Variants in PHACTR3 observed in about 807,000 individuals in gnomAD.
The protein encoded by PHACTR3 is phosphatase and actin regulator 3, also known as protein phosphatase 1, regulatory subunit 123.
Under a neutral mutation model 66.8 loss-of-function variants are expected in PHACTR3, and 16 were observed. The ratio of observed to expected loss-of-function variants is 0.24; its 90% CI spans 0.16 to 0.36. The LOEUF (loss-of-function observed/expected upper bound fraction) is 0.36. Ranked by LOEUF, PHACTR3 falls within the 10% of genes least tolerant of loss-of-function variation. PHACTR3 has a pLI of 1.00. For missense variants in PHACTR3, 647 were observed against 719.9 expected, an observed-to-expected ratio of 0.90 and a Z score of 1.16; for synonymous variants, 323 against 292.1, an observed-to-expected ratio of 1.11 and a Z score of -1.08.
chr20:59,587,484 A>C (rs2033067177), intron 1 of PHACTR3, among the ~76,000 whole-genome samples: 2 of 152,152 alleles, frequency 1.3e-5, no homozygotes, highest in African/African-American at 4.8e-5. Context: ...CACAGGAGAG[A>C]TGTCTATTGC....
chr20:59,766,909 C>T (rs2040198666), intron 4 of PHACTR3, among the ~76,000 whole-genome samples: 1 of 152,162 alleles, frequency 6.6e-6, no homozygotes, highest in South Asian at 2.1e-4. Context: ...AACACTGCTC[C>T]TAGGTGAGGT....
At chr20:59,634,031 C>T (rs1368821384) in intron 1 of PHACTR3, among the ~76,000 whole-genome samples, 3 of 152,186 alleles carry the variant, frequency 2.0e-5, no homozygotes, top group Non-Finnish European at 4.4e-5. Flanking sequence ...TTCCTCTGCT[C>T]AGTTTAAATA....
intron 1 of PHACTR3, among the ~76,000 whole-genome samples, chr20:59,582,225 C>T (rs553104616): frequency 6.6e-6 from 1 of 152,312 alleles, no homozygotes; most frequent in Admixed American, 6.5e-5. Context: ...AATGGCATCA[C>T]ACAGCACTTC....
At chr20:59,704,760 AT>A (rs11411434) in intron 1 of PHACTR3, among the ~76,000 whole-genome samples, 7 of 151,066 alleles carry the variant, frequency 4.6e-5, no homozygotes, top group African/African-American at 7.3e-5. Context: ...CCTTTATTAT[AT>A]TTTTTTCAAT....
chr20:59,805,371 C>T (rs912410992), intron 7 of PHACTR3, among the ~76,000 whole-genome samples: 6 of 152,134 alleles, frequency 3.9e-5, no homozygotes, highest in South Asian at 2.1e-4. Flanking sequence ...AGGACATGGG[C>T]GGGTGGGGGA....
intron 1 of PHACTR3, among the ~76,000 whole-genome samples, chr20:59,597,891 C>A (rs1005470530): frequency 1.3e-5 from 2 of 152,230 alleles, no homozygotes; most frequent in African/African-American, 4.8e-5. Context: ...GCAATGGTGA[C>A]AAATGCTTTT....
chr20:59,763,605 G>T (rs190570507), intron 4 of PHACTR3, among the ~76,000 whole-genome samples: 1 of 152,368 alleles, frequency 6.6e-6, no homozygotes, highest in East Asian at 1.9e-4. Context: ...TAACATATGA[G>T]TCTGGAGCTC....
intron 7 of PHACTR3, among the ~76,000 whole-genome samples, chr20:59,780,332 C>T (rs2040682592): frequency 6.6e-6 from 1 of 152,218 alleles, no homozygotes; most frequent in South Asian, 2.1e-4. Flanking sequence ...GCTGTCATAA[C>T]AAAATCCCTA....
At chr20:59,837,513 T>C (rs552478814) in intron 9 of PHACTR3, among the ~76,000 whole-genome samples, 2 of 152,290 alleles carry the variant, frequency 1.3e-5, no homozygotes, top group South Asian at 4.1e-4. Flanking sequence ...CCTTTATAGA[T>C]TGTTGAAAAT....
intron 1 of PHACTR3, among the ~76,000 whole-genome samples, chr20:59,581,480 G>A (rs1245571174): frequency 6.6e-6 from 1 of 152,182 alleles, no homozygotes; most frequent in African/African-American, 2.4e-5. Flanking sequence ...TCCCCACGCA[G>A]CTGTCACCCC....
At chr20:59,579,605 G>A (rs1389261439) in intron 1 of PHACTR3, among the ~76,000 whole-genome samples, 3 of 152,218 alleles carry the variant, frequency 2.0e-5, no homozygotes, top group South Asian at 2.1e-4. Context: ...TGTGCAACCC[G>A]AGGCCAATGG....
intron 1 of PHACTR3, among the ~76,000 whole-genome samples, chr20:59,666,191 G>A (rs1362927494): frequency 6.6e-6 from 1 of 152,164 alleles, no homozygotes; most frequent in Non-Finnish European, 1.5e-5. Context: ...ATATGCTGGT[G>A]TGTGAAGGCA....
chr20:59,821,495 A>G (rs1241261030), intron 8 of PHACTR3, among the ~76,000 whole-genome samples: 1 of 152,018 alleles, frequency 6.6e-6, no homozygotes, highest in African/African-American at 2.4e-5. Context: ...CTCCACACAC[A>G]TCTACCTACT....
chr20:59,827,376 GGGGCACTAACCCAACCCTGGGCA>G (rs1335770887), intron 8 of PHACTR3, among the ~76,000 whole-genome samples: 1 of 152,158 alleles, frequency 6.6e-6, no homozygotes, highest in African/African-American at 2.4e-5. Context: ...CTGTATCCCA[GGGGCACTAACCCAACCCTGGGCA>G]GGGCAGTCTA....
chr20:59,843,447 TTA>T (rs1269845224), intron 11 of PHACTR3: 4 of 151,592 alleles, frequency 2.6e-5, no homozygotes, highest in African/African-American at 9.7e-5. Flanking sequence ...TCAAAATGTA[TTA>T]TAAGGTTATA....
Position 59,608,535 on chromosome 20 carries a change from G to A in PHACTR3, c.118+3403G>A, listed in dbSNP as rs543032586. On this transcript the variant is annotated intron_variant, in intron 1 of 12. Transcript: ENST00000371015. ...AGGCTCTGGGACTAGGCTTCTGCCC[G>A]CTCCACATCCTGGGGCCAGCCCCTG... Among the ~76,000 whole-genome samples, 347 of 152,230 alleles carry A rather than the reference G, an allele frequency of 2.3e-3. 3 individuals are homozygous for A. Among genetic ancestry groups the A allele is most frequent in the African/African-American group, 7.9e-3 (327 of 41,524 alleles).
At chr20:59,767,589 G>A (rs1428312581) in intron 5 of PHACTR3, among the ~76,000 whole-genome samples, 194 bp downstream of exon 5, 2 of 152,200 alleles carry the variant, frequency 1.3e-5, no homozygotes, top group African/African-American at 2.4e-5. Flanking sequence ...TGTGACTGGG[G>A]CTCAGGGCAG....
At chr20:59,705,536 T>C (rs2037669451) in intron 1 of PHACTR3, among the ~76,000 whole-genome samples, 1 of 152,218 alleles carries the variant, frequency 6.6e-6, no homozygotes, top group African/African-American at 2.4e-5. Flanking sequence ...AATATTTATG[T>C]TAAATACCCT....
intron 1 of PHACTR3, among the ~76,000 whole-genome samples, chr20:59,645,607 C>T (rs946470908): frequency 9.9e-5 from 15 of 152,120 alleles, no homozygotes; most frequent in East Asian, 5.8e-4. Context: ...ATGTTATTCA[C>T]GCACAATTAA....
Sources: gnomAD v4.1 joint callset for allele counts (sites outside exome capture counted in the v4.1 genomes callset) on GRCh38, gnomAD v4.1.1 for gene constraint, MANE v1.5 for transcripts, NCBI Gene and HGNC (gene_info 2026-07-23, HGNC 2026-07-21) for gene names.